Variants in GPHN observed in about 807,000 individuals in gnomAD.
GPHN encodes the protein gephyrin.
GPHN carries 17 observed loss-of-function variants against 95.5 expected under a neutral mutation model. The ratio of observed to expected loss-of-function variants is 0.18; its 90% CI spans 0.12 to 0.27. The LOEUF is 0.27. Ranked by LOEUF, GPHN falls within the 10% of genes least tolerant of loss-of-function variation. The pLI is 1.00. For synonymous variants in GPHN, 320 were observed against 322.5 expected (o/e 0.99, Z 0.08); for missense variants, 660 against 978.1 (o/e 0.67, Z 4.34).
intron 4 of GPHN, among the ~76,000 whole-genome samples, chr14:66,834,968 C>T (rs1283076644): frequency 1.4e-5 from 2 of 142,714 alleles, no homozygotes; most frequent in South Asian, 4.7e-4. Context: ...TCAACTTCTT[C>T]CTGGTTTAGT....
At chr14:67,672,447 C>CT in the GPHN span, among the ~76,000 whole-genome samples, 29,237 of 116,686 alleles carry the variant, frequency 0.25, 4,155 homozygotes, top group East Asian at 0.36. Flanking sequence ...CTTTTCTTTT[C>CT]TTTTTTTTTT....
the GPHN span, among the ~76,000 whole-genome samples, chr14:67,509,767 G>T: frequency 6.6e-6 from 1 of 152,190 alleles, no homozygotes; most frequent in East Asian, 1.9e-4. Flanking sequence ...AGCACTTTGG[G>T]AGGCTGAGGC....
intron 10 of GPHN, among the ~76,000 whole-genome samples, chr14:67,043,623 G>A (rs1035199549): frequency 2.0e-5 from 3 of 152,088 alleles, no homozygotes; most frequent in African/African-American, 4.8e-5. Flanking sequence ...TGCTGGATTC[G>A]GCTTGCCAGT....
intron 10 of GPHN, among the ~76,000 whole-genome samples, chr14:67,045,887 A>C (rs1373805439): frequency 6.6e-6 from 1 of 151,700 alleles, no homozygotes; most frequent in South Asian, 2.1e-4. Flanking sequence ...GATCTAATTC[A>C]TTTTCAAGGC....
chr14:66,903,908 A>G (rs1204911795), intron 5 of GPHN, among the ~76,000 whole-genome samples: 1 of 152,208 alleles, frequency 6.6e-6, no homozygotes, highest in Admixed American at 6.5e-5. Flanking sequence ...AGAAATGGGA[A>G]CAGAAACTGA....
intron 5 of GPHN, among the ~76,000 whole-genome samples, chr14:66,891,676 T>C (rs1354506176): frequency 6.6e-6 from 1 of 152,062 alleles, no homozygotes. Flanking sequence ...CTTTGTACAT[T>C]GAACAAAGTA....
At chr14:67,224,874 A>T in the GPHN span, 1 of 360,264 alleles carries the variant, frequency 2.8e-6, no homozygotes, top group Non-Finnish European at 5.0e-6. Flanking sequence ...CCCAGGCTTA[A>T]TAAAAAAGGA....
At chr14:67,427,155 A>G in the GPHN span, among the ~76,000 whole-genome samples, 2 of 152,006 alleles carry the variant, frequency 1.3e-5, no homozygotes, top group East Asian at 1.9e-4. Flanking sequence ...GCTGATGACT[A>G]TGGGGATGTG....
intron 11 of GPHN, among the ~76,000 whole-genome samples, chr14:67,086,646 T>A (rs1281583530): frequency 7.4e-6 from 1 of 135,470 alleles, no homozygotes; most frequent in Non-Finnish European, 1.6e-5. Flanking sequence ...CGAGACTCTG[T>A]CTCAAAAAAA....
chr14:66,906,159 C>T (rs568691858), intron 5 of GPHN, among the ~76,000 whole-genome samples: 44 of 152,104 alleles, frequency 2.9e-4, no homozygotes, highest in African/African-American at 9.6e-4. Flanking sequence ...TGTTTCGTGC[C>T]CAGGGAACCT....
At chr14:67,301,978 T>C in the GPHN span, 1 of 1,584,410 alleles carries the variant, frequency 6.3e-7, no homozygotes, top group Non-Finnish European at 8.5e-7. Flanking sequence ...ACAGGCACTT[T>C]TACTGGCCCA....
chr14:66,898,771 T>A (rs756952851), intron 5 of GPHN, among the ~76,000 whole-genome samples: 28 of 151,946 alleles, frequency 1.8e-4, no homozygotes, highest in Non-Finnish European at 1.9e-4. Flanking sequence ...TACAAAAAAA[T>A]TGCTCAGATT....
the GPHN span, chr14:67,616,844 A>C: frequency 6.6e-6 from 1 of 152,034 alleles, no homozygotes; most frequent in African/African-American, 2.4e-5. Flanking sequence ...CAAAGTTTTG[A>C]CTGCATTCTT....
the GPHN span, among the ~76,000 whole-genome samples, chr14:67,476,708 G>GC: frequency 6.6e-6 from 1 of 152,170 alleles, no homozygotes; most frequent in African/African-American, 2.4e-5. Context: ...ATATCCCAGG[G>GC]CCAGTAAATG....
chr14:67,575,541 T>C, the GPHN span: 3 of 967,884 alleles, frequency 3.1e-6, no homozygotes, highest in South Asian at 2.8e-5. Flanking sequence ...CCACTCTATG[T>C]CCTGATGAAA....
In GPHN at chr14:66,589,907, C is replaced by G. The variant is rs112661714; in HGVS notation, c.64+81316C>G. 3.6e-3 allele frequency among the ~76,000 whole-genome samples: 555 copies of G among 152,256 alleles called. 12 individuals carry two copies. Among genetic ancestry groups the G allele is most frequent in the African/African-American group, 0.013 (529 of 41,560 alleles). Reference sequence around the variant, plus strand: ...TTCTCAGCACCACATTTCACTTATTCTAAAATTGACCACATAGTGGAAGTA... The same window carrying G: ...TTCTCAGCACCACATTTCACTTATTGTAAAATTGACCACATAGTGGAAGTA... On this transcript the variant is annotated intron_variant, in intron 1 of 22. Coordinates refer to ENST00000478722, the MANE Select transcript of GPHN (RefSeq NM_020806.5).
chr14:67,672,936 C>T, the GPHN span, among the ~76,000 whole-genome samples: 1 of 152,336 alleles, frequency 6.6e-6, no homozygotes, highest in African/African-American at 2.4e-5. Context: ...CTGCTCTTCG[C>T]TGAACACACC....
Position 67,137,402 on chromosome 14 carries a change from C to G in GPHN, c.1749-5960C>G, listed in dbSNP as rs544072519. Among the ~76,000 whole-genome samples the G allele has an allele frequency of 1.1e-4, 16 of 151,950 alleles. No homozygotes were observed. In the South Asian group the frequency reaches 1.5e-3, roughly 14 times the overall value. ...CCTCGTGATCCACCTGCCTTGGCCT[C>G]CCAAAGTGCTAGGATTACAGGCATG... is the stretch of plus-strand genomic sequence containing the variant. On this transcript the variant is annotated intron_variant, in intron 17 of 22. Coordinates refer to ENST00000478722, the MANE Select transcript of GPHN (RefSeq NM_020806.5).
At chr14:67,078,050 G>A (rs929919955) in intron 11 of GPHN, among the ~76,000 whole-genome samples, 4 of 152,088 alleles carry the variant, frequency 2.6e-5, no homozygotes, top group South Asian at 4.1e-4. Flanking sequence ...CAGAATTTAT[G>A]CAATACAATA....
Sources: gnomAD v4.1 joint callset for allele counts (sites outside exome capture counted in the v4.1 genomes callset) on GRCh38, gnomAD v4.1.1 for gene constraint, MANE v1.5 for transcripts, NCBI Gene and HGNC (gene_info 2026-07-23, HGNC 2026-07-21) for gene names.